The following RAB38 variants were observed in gnomAD, a reference collection of about 807,000 sequenced individuals.
RAB38 encodes ras-related protein Rab-38.
In RAB38, 15 loss-of-function variants were observed where a neutral mutation model predicts 18.4. The observed-to-expected ratio is 0.82, with a 90% CI of 0.55 to 1.26. The LOEUF is 1.26. Among genes scored for constraint, RAB38 ranks in the 50% most tolerant of loss-of-function variants. The pLI, the probability that RAB38 is intolerant of heterozygous loss-of-function variation, is 0.00. For missense variants in RAB38, 294 were observed against 267.4 expected (o/e 1.10, Z -0.69); for synonymous variants, 101 against 104.4 (o/e 0.97, Z 0.20).
At chr11:87,868,576 A>AGG in the RAB38 span, among the ~76,000 whole-genome samples, 1,427 of 90,822 alleles carry the variant, frequency 0.016, 19 homozygotes, top group African/African-American at 0.056. Context: ...ATAAGGAGTG[A>AGG]GGGAGAGAGA....
chr11:88,053,032 T>G, the RAB38 span, among the ~76,000 whole-genome samples: 12 of 97,324 alleles, frequency 1.2e-4, 1 homozygote, highest in Non-Finnish European at 1.9e-4. Flanking sequence ...ATGGAATATA[T>G]ATAATATATA....
the RAB38 span, among the ~76,000 whole-genome samples, chr11:87,865,943 G>A: frequency 1.3e-5 from 2 of 151,718 alleles, no homozygotes; most frequent in South Asian, 4.2e-4. Context: ...GAAACAGAGA[G>A]GCAGTTACAG....
At chr11:87,806,224 C>G in the RAB38 span, among the ~76,000 whole-genome samples, 1 of 152,060 alleles carries the variant, frequency 6.6e-6, no homozygotes, top group Non-Finnish European at 1.5e-5. Context: ...TCAGGCTGCT[C>G]TAAAAAATGC....
chr11:88,013,461 A>AGAAT, the RAB38 span, among the ~76,000 whole-genome samples: 22 of 152,264 alleles, frequency 1.4e-4, no homozygotes, highest in Admixed American at 5.9e-4. Flanking sequence ...TTTGCCATTT[A>AGAAT]GAATGACTGG....
chr11:87,918,148 T>C, the RAB38 span: 2 of 152,124 alleles, frequency 1.3e-5, no homozygotes, highest in African/African-American at 4.8e-5. Context: ...GTGGTACTTT[T>C]CTTTTTATGC....
chr11:87,954,891 G>C, the RAB38 span, among the ~76,000 whole-genome samples: 1 of 152,166 alleles, frequency 6.6e-6, no homozygotes. Flanking sequence ...ACAAGTGTCA[G>C]CTCCACCTCC....
chr11:88,010,053 TCTGA>T, the RAB38 span, among the ~76,000 whole-genome samples: 1 of 152,174 alleles, frequency 6.6e-6, no homozygotes, highest in African/African-American at 2.4e-5. Flanking sequence ...GAAACAAGGT[TCTGA>T]CTGTGTTTTG....
chr11:88,003,701 T>G, the RAB38 span, among the ~76,000 whole-genome samples: 58 of 1,850 alleles, frequency 0.031, 9 homozygotes, highest in African/African-American at 0.14. Flanking sequence ...ATATATAATA[T>G]ATTGTATATA....
At chr11:87,853,334 A>G in the RAB38 span, among the ~76,000 whole-genome samples, 2 of 152,126 alleles carry the variant, frequency 1.3e-5, no homozygotes, top group Non-Finnish European at 1.5e-5. Context: ...TGAGGCCTCC[A>G]TGTTAAGATT....
chr11:88,072,894 G>A, the RAB38 span, among the ~76,000 whole-genome samples: 2 of 152,108 alleles, frequency 1.3e-5, no homozygotes, highest in South Asian at 2.1e-4. Flanking sequence ...CAGCACTAAG[G>A]TTATAGTCAG....
intron 2 of RAB38, among the ~76,000 whole-genome samples, chr11:88,147,146 A>G (rs1324142984): frequency 1.3e-5 from 2 of 152,164 alleles, no homozygotes; most frequent in Non-Finnish European, 2.9e-5. Flanking sequence ...TCTTCTTATT[A>G]GCACTTAATA....
At chr11:87,884,490 T>C in the RAB38 span, among the ~76,000 whole-genome samples, 2 of 151,952 alleles carry the variant, frequency 1.3e-5, no homozygotes, top group Non-Finnish European at 2.9e-5. Flanking sequence ...AGATGTGCCC[T>C]GTCCTGAAGA....
the RAB38 span, among the ~76,000 whole-genome samples, chr11:87,898,136 A>G: frequency 0.027 from 4,164 of 151,756 alleles, 269 homozygotes; most frequent in Admixed American, 0.16. Flanking sequence ...TCAGCACATC[A>G]TAGGGACAGT....
chr11:88,037,141 T>A, the RAB38 span, among the ~76,000 whole-genome samples: 3 of 152,092 alleles, frequency 2.0e-5, no homozygotes, highest in African/African-American at 7.2e-5. Flanking sequence ...TTTATCATTT[T>A]ATACGTCAAT....
chr11:88,026,704 A>T, the RAB38 span, among the ~76,000 whole-genome samples: 1 of 152,118 alleles, frequency 6.6e-6, no homozygotes, highest in Non-Finnish European at 1.5e-5. Context: ...CTTATAGGAA[A>T]AGTGTTGTTT....
the RAB38 span, among the ~76,000 whole-genome samples, chr11:88,049,742 A>G: frequency 6.6e-6 from 1 of 152,232 alleles, no homozygotes; most frequent in African/African-American, 2.4e-5. Flanking sequence ...TGTTGCTCAC[A>G]TAAAGCCTGT....
chr11:88,046,938 G>A, the RAB38 span, among the ~76,000 whole-genome samples: 1 of 152,074 alleles, frequency 6.6e-6, no homozygotes, highest in Non-Finnish European at 1.5e-5. Flanking sequence ...GTGCAGGGCT[G>A]TGCAGGCAGA....
At chr11:87,975,515 T>C in the RAB38 span, among the ~76,000 whole-genome samples, 1 of 151,890 alleles carries the variant, frequency 6.6e-6, no homozygotes. Context: ...ATGACTAACA[T>C]GGTAAATATA....
At chr11:87,885,179 G>T in the RAB38 span, among the ~76,000 whole-genome samples, 1 of 151,994 alleles carries the variant, frequency 6.6e-6, no homozygotes, top group East Asian at 2.0e-4. Flanking sequence ...AGATGTACTG[G>T]GTGTGTCAGG....
Sources: allele counts gnomAD v4.1 joint callset (sites outside exome capture counted in the v4.1 genomes callset), GRCh38; gene constraint gnomAD v4.1.1; transcripts MANE v1.5; gene names NCBI Gene and HGNC (gene_info 2026-07-23, HGNC 2026-07-21).